HCK: variants seen among roughly 807,000 people sequenced by gnomAD.
HCK encodes the protein tyrosine-protein kinase HCK.
In HCK, 40 loss-of-function variants were observed where a neutral mutation model predicts 70.4. The observed-to-expected ratio is 0.57, with a 90% CI of 0.44 to 0.74. The LOEUF is 0.74. Among genes scored for constraint, HCK ranks in the 30% least tolerant of loss-of-function variants. HCK has a pLI of 0.00. For missense variants in HCK, 568 were observed against 697.2 expected (o/e 0.81, Z 2.09); for synonymous variants, 245 against 263.2 (o/e 0.93, Z 0.67).
At chr20:32,075,821 T>C (rs2045615679) in intron 5 of HCK, among the ~76,000 whole-genome samples, 1 of 152,170 alleles carries the variant, frequency 6.6e-6, no homozygotes, top group Non-Finnish European at 1.5e-5. Flanking sequence ...AGATGTTCTC[T>C]GTATGGTGGA....
chr20:32,083,678 G>T (rs1255742942), intron 6 of HCK, among the ~76,000 whole-genome samples: 2 of 152,206 alleles, frequency 1.3e-5, no homozygotes, highest in Non-Finnish European at 2.9e-5. Flanking sequence ...ATAGAGAGGT[G>T]ACATAGTCAC....
chr20:32,094,829 G>GA (rs112127642), intron 11 of HCK, among the ~76,000 whole-genome samples: 1 of 137,478 alleles, frequency 7.3e-6, no homozygotes, highest in Non-Finnish European at 1.6e-5. Flanking sequence ...AAGAAAGAAA[G>GA]AAAGAAAGAA....
intron 5 of HCK, among the ~76,000 whole-genome samples, chr20:32,076,081 G>A (rs1013465035): frequency 2.0e-5 from 3 of 152,088 alleles, no homozygotes; most frequent in Admixed American, 6.6e-5. Context: ...CCAGCACTTC[G>A]GGAGGCCAAG....
chr20:32,055,398 C>T (rs1227960170), intron 1 of HCK, among the ~76,000 whole-genome samples: 1 of 152,152 alleles, frequency 6.6e-6, no homozygotes, highest in South Asian at 2.1e-4. Context: ...TTTGAGGGAA[C>T]AATAACCAAT....
Position 32,084,414 on chromosome 20 carries a change from A to C in HCK, c.706A>C (p.Lys236Gln). 8 of 1,613,958 alleles carry C rather than the reference A, an allele frequency of 5.0e-6. No individual in the cohort carries two copies. Among genetic ancestry groups the C allele is most frequent in the Non-Finnish European group, 6.8e-6 (8 of 1,179,912 alleles). ...AGAGGGGAACGACGGGCTCTGCCAG[A>C]AACTGTCGGTGCCCTGCATGTCTTC... The change falls in exon 8 of 13, where the codon AAA becomes CAA. Residue 236 changes from lysine (K) to glutamine (Q), a missense_variant. This residue lies in a region of HCK where 318 missense variants were observed against 336.0 expected (regional missense o/e 0.95). Coordinates refer to ENST00000375852, the MANE Select transcript of HCK (RefSeq NM_002110.5).
intron 11 of HCK, among the ~76,000 whole-genome samples, chr20:32,095,462 G>A (rs1448683152): frequency 1.3e-5 from 2 of 152,136 alleles, no homozygotes; most frequent in Non-Finnish European, 2.9e-5. Flanking sequence ...TCACCATGTT[G>A]GCCAGGCTGA....
intron 1 of HCK, among the ~76,000 whole-genome samples, chr20:32,066,425 C>T (rs943415956): frequency 6.9e-6 from 1 of 145,338 alleles, no homozygotes; most frequent in African/African-American, 2.5e-5. Flanking sequence ...GATTCTCCTA[C>T]CTCAGCCTCC....
chr20:32,074,293 A>G (rs572522046), intron 4 of HCK, among the ~76,000 whole-genome samples: 1 of 152,240 alleles, frequency 6.6e-6, no homozygotes, highest in East Asian at 1.9e-4. Flanking sequence ...CAGCTGAACC[A>G]TTCTGAGTCT....
At chr20:32,091,522 C>T (rs1353757549) in intron 10 of HCK, among the ~76,000 whole-genome samples, 1 of 152,192 alleles carries the variant, frequency 6.6e-6, no homozygotes, top group Middle Eastern at 3.2e-3. Context: ...CTTCCATTAG[C>T]ATCATAACTT....
chr20:32,063,526 G>A (rs1205630196), intron 1 of HCK, among the ~76,000 whole-genome samples: 3 of 152,048 alleles, frequency 2.0e-5, no homozygotes, highest in African/African-American at 7.2e-5. Context: ...TGGGATTACA[G>A]GCATGAGCCC....
intron 1 of HCK, among the ~76,000 whole-genome samples, chr20:32,067,671 G>A (rs2045479618): frequency 1.3e-5 from 2 of 151,898 alleles, no homozygotes; most frequent in South Asian, 4.1e-4. Flanking sequence ...GAGACACTGG[G>A]CTAAGCACTG....
Position 32,073,208 on chromosome 20 carries a change from G to A in HCK, c.184-111G>A, listed in dbSNP as rs1411852037. On this transcript the variant is annotated intron_variant, in intron 2 of 12. Coordinates refer to ENST00000375852, the MANE Select transcript of HCK (RefSeq NM_002110.5). ...CTGCCGTATGTGGGCCTCCTCCCAC[G>A]ACATGCAGGGCTAGGGTAAGATGCT... is the stretch of plus-strand genomic sequence containing the variant. 11 of 875,488 alleles carry A rather than the reference G, an allele frequency of 1.3e-5. No individual in the cohort carries two copies. In the East Asian group the frequency reaches 1.8e-4, roughly 15 times the overall value. The allele number at this position is 875,488 out of a possible 1,614,324, so 54.2% of individuals were successfully genotyped here.
At chr20:32,095,935 G>GC (rs2045949204) in intron 11 of HCK, among the ~76,000 whole-genome samples, 1 of 151,512 alleles carries the variant, frequency 6.6e-6, no homozygotes, top group Non-Finnish European at 1.5e-5. Flanking sequence ...TGCTGCCCAG[G>GC]CTGGAGTGCA....
chr20:32,075,724 A>ATCCATCCG (rs1161808277), intron 5 of HCK, among the ~76,000 whole-genome samples: 4 of 151,962 alleles, frequency 2.6e-5, no homozygotes, highest in African/African-American at 9.7e-5. Flanking sequence ...CCATCCATCC[A>ATCCATCCG]TCCATCCATC....
At chr20:32,079,294 G>A (rs1202355726) in intron 5 of HCK, among the ~76,000 whole-genome samples, 1 of 152,232 alleles carries the variant, frequency 6.6e-6, no homozygotes, top group African/African-American at 2.4e-5. Flanking sequence ...CAAAACTCAG[G>A]CCCTTCACAG....
At chr20:32,077,975 G>T (rs936467123) in intron 5 of HCK, among the ~76,000 whole-genome samples, 3 of 152,038 alleles carry the variant, frequency 2.0e-5, no homozygotes, top group African/African-American at 7.3e-5. Flanking sequence ...CTTGTGCAAG[G>T]TCTATGGGAT....
At chr20:32,085,234 C>T (rs1469591398) in intron 8 of HCK, among the ~76,000 whole-genome samples, 2 of 152,202 alleles carry the variant, frequency 1.3e-5, no homozygotes, top group African/African-American at 4.8e-5. Context: ...CATGCAAGGC[C>T]GGGCACAGTG....
At position 32,079,889 on chromosome 20, in the gene HCK, C is replaced by T. The variant is rs369171323; in HGVS notation, c.532+12C>T. The T allele has an allele frequency of 1.3e-6, 2 of 1,576,046 alleles. No homozygotes were observed. Among genetic ancestry groups the T allele is most frequent in the African/African-American group, 2.7e-5 (2 of 74,236 alleles). On this transcript the variant is annotated intron_variant, in intron 6 of 12. Transcript: ENST00000375852. ...CGAGACCACTAAAGGTGACACCAGC[C>T]CTCCCCACCTTGTCCTCCCTGCCGA... is the stretch of plus-strand genomic sequence containing the variant.
chr20:32,099,043 T>C lies in HCK; in HGVS notation c.1286T>C (p.Ile429Thr), dbSNP rs775939943. ...ATCAAGTGGACAGCTCCTGAAGCCATCAACTTTGGCTCCTTCACCATCAAG... is the reference window on the plus strand; with the variant it reads ...ATCAAGTGGACAGCTCCTGAAGCCACCAACTTTGGCTCCTTCACCATCAAG... The change falls in exon 12 of 13, where the codon ATC becomes ACC. Residue 429 changes from isoleucine (I) to threonine (T), a missense_variant. Transcript: ENST00000375852. 1 of 1,614,136 alleles carries C rather than the reference T, an allele frequency of 6.2e-7. No homozygotes were observed. The highest frequency in any genetic ancestry group is 1.1e-5 in the South Asian group (1 of 91,084).
Sources: allele counts gnomAD v4.1 joint callset (sites outside exome capture counted in the v4.1 genomes callset), GRCh38; gene constraint gnomAD v4.1.1; regional missense constraint gnomAD v4.1.1; transcripts MANE v1.5; gene names NCBI Gene and HGNC (gene_info 2026-07-23, HGNC 2026-07-21).